KDM3B: variants seen among roughly 807,000 people sequenced by gnomAD.
The protein encoded by KDM3B is lysine demethylase 3B, also known as lysine-specific demethylase 3B.
KDM3B carries 10 observed loss-of-function variants against 170.0 expected under a neutral mutation model. The ratio of observed to expected loss-of-function variants is 0.06; its 90% confidence interval spans 0.04 to 0.10. KDM3B has a LOEUF of 0.10. Among genes scored for constraint, KDM3B ranks in the 10% least tolerant of loss-of-function variants. The probability of loss-of-function intolerance (pLI) is 1.00; values close to 1 mark genes in which losing one functional copy is unlikely to be tolerated. For missense variants in KDM3B, 1,394 were observed against 2,195.2 expected, an observed-to-expected ratio of 0.64 and a Z score of 7.29; for synonymous variants, 831 against 834.8, an observed-to-expected ratio of 1.00 and a Z score of 0.08.
chr5:138,375,613 C>T lies in KDM3B; in HGVS notation c.474+407C>T, dbSNP rs565976350. On this transcript the variant is annotated intron_variant, in intron 3 of 23. Coordinates refer to ENST00000314358, the MANE Select transcript of KDM3B (RefSeq NM_016604.4). ...CAGGATGGTCTTGATCTCCTGACCT[C>T]GTGATCCGCCCGCCTCGGCCTCCCA... Among the ~76,000 whole-genome samples the T allele has an allele frequency of 3.6e-3, 555 of 152,076 alleles. 7 individuals are homozygous for T. The highest frequency in any genetic ancestry group is 0.013 in the African/African-American group (528 of 41,492).
chr5:138,410,430 TG>T (rs1426909101), intron 11 of KDM3B, among the ~76,000 whole-genome samples: 3 of 151,800 alleles, frequency 2.0e-5, no homozygotes, highest in African/African-American at 7.3e-5. Context: ...GGTAGTTCAG[TG>T]GGGGAAAGGA....
chr5:138,429,978 G>A lies in KDM3B; in HGVS notation c.4893+13G>A. ...GCTGCTCCGAAAGGTACGCCCCTGG[G>A]TGGGCTGTGCTCCCAGCTCACATAT... On this transcript the variant is annotated intron_variant, in intron 21 of 23. Coordinates refer to ENST00000314358, the MANE Select transcript of KDM3B (RefSeq NM_016604.4). 1 of 1,613,704 alleles carries A rather than the reference G, an allele frequency of 6.2e-7. No homozygotes were observed. Among genetic ancestry groups the A allele is most frequent in the African/African-American group, 1.3e-5 (1 of 75,040 alleles).
At chr5:138,382,991 C>G (rs570985271) in intron 6 of KDM3B, among the ~76,000 whole-genome samples, 43 of 151,952 alleles carry the variant, frequency 2.8e-4, no homozygotes, top group Non-Finnish European at 5.4e-4. Context: ...GAGTACTGGT[C>G]TCAATGTTGT....
chr5:138,400,535 C>T (rs995584182), intron 11 of KDM3B, among the ~76,000 whole-genome samples: 9 of 152,048 alleles, frequency 5.9e-5, no homozygotes, highest in African/African-American at 1.9e-4. Context: ...CACTTGAGGC[C>T]GGGGGTTTGA....
At chr5:138,371,488 A>G (rs1761874425) in intron 1 of KDM3B, among the ~76,000 whole-genome samples, 1 of 151,990 alleles carries the variant, frequency 6.6e-6, no homozygotes, top group Non-Finnish European at 1.5e-5. Flanking sequence ...ATCTAAGCAT[A>G]ATATTTATTA....
At chr5:138,402,976 G>T (rs970726252) in intron 11 of KDM3B, among the ~76,000 whole-genome samples, 5 of 152,182 alleles carry the variant, frequency 3.3e-5, no homozygotes, top group Non-Finnish European at 7.3e-5. Flanking sequence ...TGAATGAGAT[G>T]AAGTTCCTCA....
chr5:138,390,376 C>T (rs1322903614), intron 7 of KDM3B, among the ~76,000 whole-genome samples: 6 of 152,250 alleles, frequency 3.9e-5, no homozygotes, highest in Middle Eastern at 6.8e-3. Flanking sequence ...AGCATCTTTA[C>T]GTCTAACGTT....
At chr5:138,418,720 A>G (rs1227929411) in intron 13 of KDM3B, among the ~76,000 whole-genome samples, 1 of 152,180 alleles carries the variant, frequency 6.6e-6, no homozygotes, top group Non-Finnish European at 1.5e-5. Flanking sequence ...CATGCTAACT[A>G]TTTTAGATTA....
chr5:138,431,650 T>C, intron 23 of KDM3B, 91 bp downstream of exon 23: 2 of 1,152,388 alleles, frequency 1.7e-6, no homozygotes, highest in Non-Finnish European at 2.3e-6. Context: ...CTGAGGGTAT[T>C]CTCCGAAGGT....
intron 2 of KDM3B, chr5:138,374,425 A>G: frequency 3.4e-6 from 1 of 295,362 alleles, no homozygotes; most frequent in Non-Finnish European, 6.9e-6. Context: ...CTCCCGGCTT[A>G]TTTTTTGTAT....
At chr5:138,414,997 T>A in intron 11 of KDM3B, 135 bp from the exon 12 acceptor site, 1 of 493,288 alleles carries the variant, frequency 2.0e-6, no homozygotes, top group Non-Finnish European at 3.7e-6. Flanking sequence ...AAGCAGGGGC[T>A]TTTTGTTTTT....
chr5:138,428,346 G>A (rs1274562859), intron 20 of KDM3B, among the ~76,000 whole-genome samples: 1 of 152,008 alleles, frequency 6.6e-6, no homozygotes, highest in African/African-American at 2.4e-5. Context: ...CAAGTAGCTG[G>A]GATTACAGGT....
rs764525618 is a variant in KDM3B at position 138,431,464 on chromosome 5, T to C, written c.5110T>C (p.Phe1704Leu). 1 of 1,612,020 alleles carries C rather than the reference T, an allele frequency of 6.2e-7. No homozygotes were observed. ...CAGTTGCATAAAAGTAGCAGAAGAC[T>C]TTGTATCTCCAGAACATGTAAAGCA... is the stretch of plus-strand genomic sequence containing the variant. ...LYSCIKVAEDFVSPEHVKHCF... is the reference protein window; with the variant it reads ...LYSCIKVAEDLVSPEHVKHCF... The change falls in exon 23 of 24, where the codon TTT becomes CTT. Residue 1704 changes from phenylalanine (F) to leucine (L), a missense_variant. Physicochemically the swap from Phe to Leu is conservative, Grantham distance 22 (BLOSUM62 0). This residue lies in a region of KDM3B where 79 missense variants were observed against 270.5 expected (regional missense o/e 0.29). Coordinates refer to ENST00000314358, the MANE Select transcript of KDM3B (RefSeq NM_016604.4).
chr5:138,375,878 T>C (rs1761986211), intron 3 of KDM3B, among the ~76,000 whole-genome samples: 1 of 152,010 alleles, frequency 6.6e-6, no homozygotes, highest in South Asian at 2.1e-4. Flanking sequence ...GGTTTCACCA[T>C]GTTGGTCAGG....
At chr5:138,434,788 G>T (rs1223552551) in intron 23 of KDM3B, among the ~76,000 whole-genome samples, 1 of 152,138 alleles carries the variant, frequency 6.6e-6, no homozygotes, top group Non-Finnish European at 1.5e-5. Context: ...CTTTTCCTTA[G>T]CACAATGTCT....
intron 6 of KDM3B, among the ~76,000 whole-genome samples, chr5:138,385,663 G>A (rs975423834): frequency 1.3e-5 from 2 of 152,232 alleles, no homozygotes; most frequent in East Asian, 3.8e-4. Context: ...AATAAAGTGA[G>A]TTATTTCATC....
At chr5:138,431,729 A>AT (rs901398000) in intron 23 of KDM3B, among the ~76,000 whole-genome samples, 170 bp downstream of exon 23, 7 of 151,462 alleles carry the variant, frequency 4.6e-5, no homozygotes, top group African/African-American at 1.5e-4. Context: ...GAAGCATTTA[A>AT]TTTTTTTTTA....
chr5:138,361,917 C>T (rs189704088), intron 1 of KDM3B, among the ~76,000 whole-genome samples: 11 of 152,276 alleles, frequency 7.2e-5, no homozygotes, highest in African/African-American at 2.2e-4. Context: ...GTTCAGGAAA[C>T]GCCACCCCAA....
intron 11 of KDM3B, among the ~76,000 whole-genome samples, chr5:138,401,458 T>C (rs1215720452): frequency 1.3e-5 from 2 of 152,196 alleles, no homozygotes; most frequent in Non-Finnish European, 2.9e-5. Flanking sequence ...GAACCATTCA[T>C]TCCTTTGCAT....
Sources: gnomAD v4.1 joint callset for allele counts (sites outside exome capture counted in the v4.1 genomes callset) on GRCh38, gnomAD v4.1.1 for gene constraint, gnomAD v4.1.1 regional missense constraint, MANE v1.5 for transcripts, NCBI Gene and HGNC (gene_info 2026-07-23, HGNC 2026-07-21) for gene names.